NEB: variants seen among roughly 807,000 people sequenced by gnomAD.
NEB encodes nemaline myopathy type 2.
NEB carries 512 observed loss-of-function variants against 952.2 expected under a neutral mutation model. That is an observed-to-expected ratio of 0.54 (90% CI 0.50 to 0.58). NEB has a LOEUF of 0.58. NEB is among the 20% of genes least tolerant of loss of function. The pLI is 0.00. For missense variants in NEB, 8,428 were observed against 9,231.1 expected, an observed-to-expected ratio of 0.91 and a Z score of 3.56; for synonymous variants, 2,900 against 3,149.8, an observed-to-expected ratio of 0.92 and a Z score of 2.66.
intron 24 of NEB, chr2:151,689,085 A>G (rs1201343679): frequency 6.6e-6 from 1 of 152,140 alleles, no homozygotes; most frequent in Non-Finnish European, 1.5e-5. Context: ...ACACATTTCC[A>G]GTCTATACTG....
At chr2:151,499,935 CTG>C (rs2063162576) in intron 168 of NEB, among the ~76,000 whole-genome samples, 1 of 152,064 alleles carries the variant, frequency 6.6e-6, no homozygotes, top group Admixed American at 6.5e-5. Context: ...TAAATGCAAT[CTG>C]TGTAAAAATT....
At chr2:151,634,422 T>C (rs751269756) in intron 64 of NEB, among the ~76,000 whole-genome samples, 6 of 152,076 alleles carry the variant, frequency 3.9e-5, no homozygotes, top group Non-Finnish European at 8.8e-5. Flanking sequence ...GGCAGGTGGA[T>C]CATGAGGTCA....
rs2093605341 is a variant in NEB, at chr2:151,538,633, T to A, written c.20893-389A>T. Among the ~76,000 whole-genome samples the A allele has an allele frequency of 2.0e-5, 3 of 151,780 alleles. 1 individual carries two copies. The highest frequency in any genetic ancestry group is 4.2e-4 in the South Asian group (2 of 4,812). On this transcript the variant is annotated intron_variant, in intron 138 of 181. Transcript: ENST00000397345. ...TTAAATATAAAACATAAACCAAAAG[T>A]TCATTTGAGAGAAAAAAAAAACCCA...
Position 151,497,700 on chromosome 2 carries a change from T to G in NEB, c.24226A>C (p.Met8076Leu), listed in dbSNP as rs758723643. ...ACAGGTAAAGGGGTTCCCTTGCCCA[T>G]GTTTTCTTTGTATAACACCTGTGCG... ...NLSSVLYKENMGKGTPLPVTP... is the reference protein window; with the variant it reads ...NLSSVLYKENLGKGTPLPVTP... The change falls in exon 171 of 182, where the codon ATG becomes CTG. Residue 8076 changes from methionine to leucine, a missense_variant. By Grantham distance (15) the Met-to-Leu change is conservative (BLOSUM62 2). This residue lies in a region of NEB where 3,374 missense variants were observed against 3,651.5 expected (regional missense o/e 0.92). Transcript: ENST00000397345. The G allele has an allele frequency of 1.9e-6, 3 of 1,579,002 alleles. No individual in the cohort carries two copies. Among genetic ancestry groups the G allele is most frequent in the South Asian group, 2.3e-5 (2 of 86,424 alleles).
intron 129 of NEB, among the ~76,000 whole-genome samples, chr2:151,550,783 TG>T (rs2095274802): frequency 6.6e-6 from 1 of 150,520 alleles, no homozygotes. Flanking sequence ...GGACCACAGG[TG>T]CATGCCACTA....
At chr2:151,498,728 A>G (rs906057220) in intron 169 of NEB, among the ~76,000 whole-genome samples, 1 of 152,184 alleles carries the variant, frequency 6.6e-6, no homozygotes, top group African/African-American at 2.4e-5. Context: ...TGTTAATCAC[A>G]TAGGGATATT....
At chr2:151,732,588 ATGTG>A (rs1374434229) in intron 3 of NEB, among the ~76,000 whole-genome samples, 1 of 152,126 alleles carries the variant, frequency 6.6e-6, no homozygotes. Context: ...ATTTGCTTGT[ATGTG>A]TGTGTCTGTG....
intron 68 of NEB, among the ~76,000 whole-genome samples, chr2:151,628,058 T>C (rs764603039): frequency 9.9e-5 from 15 of 152,062 alleles, no homozygotes; most frequent in Non-Finnish European, 2.1e-4. Context: ...ACAGCAACAG[T>C]CTAATGGGAA....
At position 151,677,910 on chromosome 2, in the gene NEB, T is replaced by A; in HGVS notation, c.3533A>T (p.Glu1178Val). ...YTYLPDAMDL[E>V]LSKNMMQIQS... is the part of the protein sequence containing the mutation. Reference sequence around the variant, plus strand: ...TATCTGCATCATGTTCTTAGACAGCTCCAGGTCCATGGCGTCAGGCAAGTA... The same window carrying A: ...TATCTGCATCATGTTCTTAGACAGCACCAGGTCCATGGCGTCAGGCAAGTA... Residue 1178 changes from glutamate to valine, a missense_variant, in exon 33 of 182, where the codon GAG becomes GTG. Physicochemically the swap from Glu to Val is moderately radical, Grantham distance 121 (BLOSUM62 -2). This residue lies in a region of NEB where 2,851 missense variants were observed against 2,791.5 expected (regional missense o/e 1.02). Transcript: ENST00000397345. The A allele has an allele frequency of 6.2e-7, 1 of 1,613,320 alleles. No homozygotes were observed. Among genetic ancestry groups the A allele is most frequent in the East Asian group, 2.2e-5 (1 of 44,882 alleles).
Position 151,524,303 on chromosome 2 carries a change from TG to T in NEB, c.22479+7del, listed in dbSNP as rs750798983. 4.3e-6 allele frequency: 7 copies of T among 1,612,136 alleles called. No homozygotes were observed. In the Admixed American group the frequency reaches 1.2e-4, roughly 27 times the overall value. ...CATGAGAGCCACCAGTGCACCCATC[TG>T]CATTACCTGGCTGCTCAGCTTGGCT... is the stretch of plus-strand genomic sequence containing the variant. On this transcript the variant is annotated splice_region_variant and intron_variant, in intron 153 of 181. Transcript: ENST00000397345.
At chr2:151,523,326 T>C (rs2083266984) in intron 153 of NEB, among the ~76,000 whole-genome samples, 1 of 152,270 alleles carries the variant, frequency 6.6e-6, no homozygotes, top group Non-Finnish European at 1.5e-5. Flanking sequence ...GACCCTCTTG[T>C]GTTTTCATAA....
intron 181 of NEB, chr2:151,486,638 G>A (rs564241582): frequency 3.3e-5 from 5 of 152,372 alleles, no homozygotes; most frequent in African/African-American, 1.2e-4. Flanking sequence ...GCAAGATCTG[G>A]TATATCCATA....
chr2:151,697,585 TG>T lies in NEB; in HGVS notation c.1215del (p.Lys406AsnfsTer22). The T allele has an allele frequency of 6.2e-7, 1 of 1,613,432 alleles. No individual in the cohort carries two copies. Among genetic ancestry groups the T allele is most frequent in the Non-Finnish European group, 8.5e-7 (1 of 1,179,780 alleles). On this transcript the variant is annotated frameshift_variant, in exon 14 of 182. Transcript: ENST00000397345. LOFTEE classifies it high-confidence loss of function. ...TGCAGAACAGTATCGAGCTTGAATT[TG>T]GGGGTCTCGCAGTAATTTATGCTCT... ...KAKSINYCET[P>X]KFKLDTVLQN...
intron 17 of NEB, 110 bp from the exon 18 acceptor site, chr2:151,695,792 A>G: frequency 1.2e-6 from 1 of 803,984 alleles, no homozygotes; most frequent in Non-Finnish European, 2.1e-6. Flanking sequence ...ATCAGAAGAG[A>G]CATCTAGAGC....
chr2:151,540,874 A>G, intron 136 of NEB, 73 bp from the exon 137 acceptor site: 1 of 1,260,190 alleles, frequency 7.9e-7, no homozygotes, highest in South Asian at 1.2e-5. Flanking sequence ...CACTTCATTC[A>G]TTTCTAACCA....
chr2:151,485,657 A>C lies in NEB; in HGVS notation c.*103T>G. On this transcript the variant is annotated 3_prime_UTR_variant, in exon 182 of 182. Coordinates refer to ENST00000397345, the MANE Select transcript of NEB (RefSeq NM_001164508.2). Reference sequence around the variant, plus strand: ...CCATAAATCACATTGACACAGAAAAACCATAGGCAGCTTGAGAACTTAGGT... The same window carrying C: ...CCATAAATCACATTGACACAGAAAACCCATAGGCAGCTTGAGAACTTAGGT... 1 of 1,166,310 alleles carries C rather than the reference A, an allele frequency of 8.6e-7. No homozygotes were observed. Among genetic ancestry groups the C allele is most frequent in the Non-Finnish European group, 1.2e-6 (1 of 839,084 alleles). The allele number at this position is 1,166,310 out of a possible 1,614,324, so 72.2% of individuals were successfully genotyped here.
intron 168 of NEB, 78 bp from the exon 169 acceptor site, chr2:151,499,468 G>A (rs1027270538): frequency 1.3e-6 from 1 of 753,472 alleles, no homozygotes; most frequent in African/African-American, 1.7e-5. Flanking sequence ...GGGGAACCTG[G>A]TATAAAACTA....
intron 107 of NEB, among the ~76,000 whole-genome samples, chr2:151,574,946 C>T (rs1560116025): frequency 6.6e-6 from 1 of 152,002 alleles, no homozygotes; most frequent in Non-Finnish European, 1.5e-5. Context: ...CCCTATGTTG[C>T]CCAGACTAGT....
intron 7 of NEB, among the ~76,000 whole-genome samples, 193 bp from the exon 8 acceptor site, chr2:151,724,557 C>A (rs890281718): frequency 7.2e-5 from 11 of 152,180 alleles, no homozygotes. Context: ...AATTCTAATT[C>A]CTTTCAATTA....
Sources: allele counts gnomAD v4.1 joint callset (sites outside exome capture counted in the v4.1 genomes callset), GRCh38; gene constraint gnomAD v4.1.1; regional missense constraint gnomAD v4.1.1; transcripts MANE v1.5; gene names NCBI Gene and HGNC (gene_info 2026-07-23, HGNC 2026-07-21).